The following RSBN1L variants were observed in gnomAD, a reference collection of about 807,000 sequenced individuals.
RSBN1L encodes the protein round spermatid basic protein 1 like.
In RSBN1L, 30 loss-of-function variants were observed where a neutral mutation model predicts 67.7. That is an observed-to-expected ratio of 0.44 (90% CI 0.33 to 0.60). The LOEUF is 0.60. Ranked by LOEUF, RSBN1L falls within the 20% of genes least tolerant of loss-of-function variation. RSBN1L has a pLI of 0.02. For missense variants in RSBN1L, 992 were observed against 1,031.7 expected, an observed-to-expected ratio of 0.96 and a Z score of 0.53; for synonymous variants, 433 against 387.0, an observed-to-expected ratio of 1.12 and a Z score of -1.39.
In RSBN1L at chr7:77,778,810, G is replaced by A. The variant is rs112623934; in HGVS notation, c.2183G>A (p.Cys728Tyr). The change falls in exon 8 of 8, where the codon TGT becomes TAT. Residue 728 changes from cysteine (C) to tyrosine (Y), a missense_variant. Cys to Tyr is a radical substitution (Grantham distance 194). Coordinates refer to ENST00000334955, the MANE Select transcript of RSBN1L (RefSeq NM_198467.3). ...VLGPHTDNMI[C>Y]AVSKASLDSV... ...GGACCTCACACTGACAACATGATTT[G>A]TGCTGTAAGCAAAGCCTCCTTGGAT... 5.0e-6 allele frequency: 8 copies of A among 1,614,004 alleles called. No individual in the cohort carries two copies. Among genetic ancestry groups the A allele is most frequent in the African/African-American group, 1.3e-5 (1 of 74,918 alleles).
At chr7:77,767,782 C>A (rs1421949618) in intron 4 of RSBN1L, among the ~76,000 whole-genome samples, 1 of 72,572 alleles carries the variant, frequency 1.4e-5, no homozygotes, top group Non-Finnish European at 2.8e-5. Flanking sequence ...CCTCTCCCCC[C>A]TCCCCCTTCT....
rs922873060 is a variant in RSBN1L, at chr7:77,744,577, C to A, written c.704-4847C>A. Reference sequence around the variant, plus strand: ...GATTACAGGTGCCTGCCACCACGCCCGGCTAATTTTTCATATTTTTAGTAG... The same window carrying A: ...GATTACAGGTGCCTGCCACCACGCCAGGCTAATTTTTCATATTTTTAGTAG... On this transcript the variant is annotated intron_variant, in intron 2 of 7. Transcript: ENST00000334955. Among the ~76,000 whole-genome samples the A allele has an allele frequency of 6.6e-5, 10 of 151,578 alleles. No homozygotes were observed. The East Asian group carries it at 1.8e-3, about 27-fold the overall frequency.
intron 1 of RSBN1L, among the ~76,000 whole-genome samples, chr7:77,718,219 TTTGA>T (rs971427217): frequency 7.9e-5 from 12 of 152,216 alleles, no homozygotes; most frequent in African/African-American, 2.4e-4. Context: ...TTTCAAGGCG[TTTGA>T]TTGTGTTTAT....
At chr7:77,715,591 G>C (rs148004228) in intron 1 of RSBN1L, among the ~76,000 whole-genome samples, 1 of 152,170 alleles carries the variant, frequency 6.6e-6, no homozygotes, top group Non-Finnish European at 1.5e-5. Flanking sequence ...TTACAGGCAC[G>C]ACACTGTGCC....
intron 6 of RSBN1L, among the ~76,000 whole-genome samples, chr7:77,778,063 A>G (rs17157676): frequency 0.095 from 14,413 of 152,226 alleles, 950 homozygotes; most frequent in South Asian, 0.19. Context: ...CTTGGTTTGT[A>G]TAATTTACCA....
intron 3 of RSBN1L, among the ~76,000 whole-genome samples, chr7:77,762,697 A>G (rs79803458): frequency 3.5e-4 from 53 of 152,248 alleles, no homozygotes; most frequent in African/African-American, 1.2e-3. Flanking sequence ...CTGTTACTCA[A>G]TGATACATGT....
At chr7:77,761,365 G>T (rs756982694) in intron 3 of RSBN1L, among the ~76,000 whole-genome samples, 1 of 152,122 alleles carries the variant, frequency 6.6e-6, no homozygotes, top group Non-Finnish European at 1.5e-5. Flanking sequence ...ATGAGCCATG[G>T]TCTTTGTGAC....
chr7:77,736,773 AT>A (rs1791343022), intron 2 of RSBN1L, among the ~76,000 whole-genome samples: 1 of 152,222 alleles, frequency 6.6e-6, no homozygotes, highest in Non-Finnish European at 1.5e-5. Context: ...TTCTTAAATT[AT>A]TTTAAAATAA....
In RSBN1L at chr7:77,779,217, A is replaced by G. The variant is rs765509092; in HGVS notation, c.*49A>G. On this transcript the variant is annotated 3_prime_UTR_variant, in exon 8 of 8. Transcript: ENST00000334955. ...CTTTTTTAAAAAAATTTAATGTAATAAAGATTCATGAATTCTGAAAGCAAG... is the reference window on the plus strand; with the variant it reads ...CTTTTTTAAAAAAATTTAATGTAATGAAGATTCATGAATTCTGAAAGCAAG... The G allele has an allele frequency of 8.3e-6, 11 of 1,317,874 alleles. No homozygotes were observed. The highest frequency in any genetic ancestry group is 1.5e-5 in the South Asian group (1 of 67,492). The allele number at this position is 1,317,874 out of a possible 1,614,324, so 81.6% of individuals were successfully genotyped here.
At chr7:77,700,811 C>T (rs550876615) in intron 1 of RSBN1L, among the ~76,000 whole-genome samples, 2 of 152,176 alleles carry the variant, frequency 1.3e-5, no homozygotes, top group Non-Finnish European at 2.9e-5. Flanking sequence ...TACAATTTTC[C>T]ACATGGGCAA....
At chr7:77,703,477 G>GTTTTTTTTTTTTTTT (rs71529102) in intron 1 of RSBN1L, among the ~76,000 whole-genome samples, 1 of 61,574 alleles carries the variant, frequency 1.6e-5, no homozygotes. Context: ...TACTGTTTGG[G>GTTTTTTTTTTTTTTT]TTTTTTTTTT....
intron 1 of RSBN1L, among the ~76,000 whole-genome samples, chr7:77,715,007 C>T (rs904352330): frequency 2.7e-5 from 4 of 150,462 alleles, no homozygotes; most frequent in Admixed American, 1.3e-4. Flanking sequence ...TGTGGTGACT[C>T]ATGCTTGTAA....
intron 1 of RSBN1L, among the ~76,000 whole-genome samples, chr7:77,715,979 A>G (rs1369535846): frequency 6.6e-6 from 1 of 152,158 alleles, no homozygotes; most frequent in Non-Finnish European, 1.5e-5. Context: ...TTCTTTACAT[A>G]TTCTGGGTAG....
chr7:77,774,661 C>T (rs898823538), intron 6 of RSBN1L, among the ~76,000 whole-genome samples: 6 of 152,164 alleles, frequency 3.9e-5, no homozygotes, highest in African/African-American at 1.4e-4. Flanking sequence ...TGCTTGAACC[C>T]AGGAGGCAGA....
chr7:77,711,655 G>T (rs1790976842), intron 1 of RSBN1L, among the ~76,000 whole-genome samples: 1 of 152,210 alleles, frequency 6.6e-6, no homozygotes, highest in South Asian at 2.1e-4. Flanking sequence ...TATTGTTAAA[G>T]CTGTGTTAAC....
intron 1 of RSBN1L, among the ~76,000 whole-genome samples, chr7:77,707,203 T>C (rs1247914702): frequency 6.6e-6 from 1 of 152,146 alleles, no homozygotes; most frequent in Non-Finnish European, 1.5e-5. Flanking sequence ...TTTGTATTTT[T>C]AGTAGAGACA....
intron 1 of RSBN1L, among the ~76,000 whole-genome samples, chr7:77,703,524 A>G (rs1426498283): frequency 1.9e-5 from 2 of 103,888 alleles, no homozygotes; most frequent in Middle Eastern, 0.012. Flanking sequence ...GACTCTCACT[A>G]TTTCACCCAG....
chr7:77,751,655 T>G (rs1477437814), intron 3 of RSBN1L, among the ~76,000 whole-genome samples: 1 of 152,240 alleles, frequency 6.6e-6, no homozygotes, highest in Admixed American at 6.5e-5. Context: ...GTGTTTACTA[T>G]TTATTGAGTA....
intron 1 of RSBN1L, among the ~76,000 whole-genome samples, chr7:77,706,435 T>C (rs1448603923): frequency 6.6e-6 from 1 of 152,046 alleles, no homozygotes; most frequent in Non-Finnish European, 1.5e-5. Flanking sequence ...GTCTCCCAAC[T>C]CCTGACCTCA....
Sources: allele counts gnomAD v4.1 joint callset (sites outside exome capture counted in the v4.1 genomes callset), GRCh38; gene constraint gnomAD v4.1.1; transcripts MANE v1.5; gene names NCBI Gene and HGNC (gene_info 2026-07-23, HGNC 2026-07-21).